EYS: variants seen among roughly 807,000 people sequenced by gnomAD.
EYS encodes the protein EGF-like photoreceptor maintenance factor.
A neutral mutation model predicts 282.1 loss-of-function variants in EYS; 250 were observed. The ratio of observed to expected loss-of-function variants is 0.89; its 90% CI spans 0.80 to 0.98. The LOEUF is 0.98. EYS is among the 50% of genes least tolerant of loss of function. The pLI, the probability that EYS is intolerant of heterozygous loss-of-function variation, is 0.00. For missense variants in EYS, 4,016 were observed against 3,709.0 expected (o/e 1.08, Z -2.15); for synonymous variants, 1,355 against 1,282.9 (o/e 1.06, Z -1.20).
chr6:65,359,936 C>A (rs1354803445), intron 8 of EYS, among the ~76,000 whole-genome samples: 1 of 151,862 alleles, frequency 6.6e-6, no homozygotes, highest in Admixed American at 6.6e-5. Flanking sequence ...AACTCACACA[C>A]CTCAATTCTC....
At chr6:65,705,446 G>A (rs2149855737) in intron 1 of EYS, among the ~76,000 whole-genome samples, 1 of 152,252 alleles carries the variant, frequency 6.6e-6, no homozygotes. Context: ...TGCTACAGAA[G>A]GGGAAAGTGG....
chr6:65,170,352 A>G (rs1480658283), intron 12 of EYS, among the ~76,000 whole-genome samples: 1 of 151,584 alleles, frequency 6.6e-6, no homozygotes, highest in Non-Finnish European at 1.5e-5. Flanking sequence ...GTTGATTTTA[A>G]AATGAACTGA....
At chr6:64,658,147 G>A (rs538163502) in intron 22 of EYS, among the ~76,000 whole-genome samples, 5 of 151,994 alleles carry the variant, frequency 3.3e-5, no homozygotes, top group African/African-American at 4.8e-5. Context: ...TTAACAAATC[G>A]GCTACTGAGG....
intron 6 of EYS, 52 bp from the exon 7 acceptor site, chr6:65,402,657 G>T: frequency 8.0e-7 from 1 of 1,254,170 alleles, no homozygotes; most frequent in Non-Finnish European, 1.2e-6. Flanking sequence ...TATTTCAAAG[G>T]TAATGAATGG....
chr6:65,329,621 G>A (rs1769722721), intron 11 of EYS: 3 of 979,820 alleles, frequency 3.1e-6, no homozygotes, highest in Non-Finnish European at 2.4e-6. Context: ...TTACTTGAAG[G>A]CAGAAAAGTT....
intron 11 of EYS, among the ~76,000 whole-genome samples, chr6:65,313,596 G>A (rs555650759): frequency 2.7e-5 from 4 of 150,550 alleles, no homozygotes; most frequent in South Asian, 4.3e-4. Context: ...TTATTCTCAC[G>A]TTAGCTGTTC....
chr6:64,116,107 A>T (rs1239000299), intron 31 of EYS, among the ~76,000 whole-genome samples: 1 of 152,280 alleles, frequency 6.6e-6, no homozygotes, highest in East Asian at 1.9e-4. Context: ...ACAGAATTCA[A>T]TTAATGAAAT....
At chr6:65,639,325 A>G (rs1767200335) in intron 2 of EYS, among the ~76,000 whole-genome samples, 1 of 152,120 alleles carries the variant, frequency 6.6e-6, no homozygotes, top group African/African-American at 2.4e-5. Flanking sequence ...AATAAATAAG[A>G]TAAGTTATTA....
chr6:65,601,258 C>T (rs889103623), intron 2 of EYS, among the ~76,000 whole-genome samples: 1 of 151,848 alleles, frequency 6.6e-6, no homozygotes, highest in Admixed American at 6.6e-5. Context: ...TAGGAACATA[C>T]ATTAGCCATA....
In EYS at chr6:65,006,503, C is replaced by CAAAAAA. The variant is rs59057058; in HGVS notation, c.2138-8806_2138-8801dup. Reference sequence around the variant, plus strand: ...TCACCAGTTCAGAGTTATTCTAAGTCAAAAAAAAAAAAAAAAAAAAGCAAA... The same window carrying CAAAAAA: ...TCACCAGTTCAGAGTTATTCTAAGTCAAAAAAAAAAAAAAAAAAAAAAAAAAGCAAA... On this transcript the variant is annotated intron_variant, in intron 13 of 42. Coordinates refer to ENST00000503581, the MANE Select transcript of EYS (RefSeq NM_001142800.2). Among the ~76,000 whole-genome samples, 74 of 83,248 alleles carry CAAAAAA rather than the reference C, an allele frequency of 8.9e-4. 1 individual carries two copies. Among genetic ancestry groups the CAAAAAA allele is most frequent in the African/African-American group, 1.6e-3 (33 of 20,802 alleles). The allele number at this position is 83,248 out of a possible 152,430, so 54.6% of individuals were successfully genotyped here.
chr6:64,028,623 AC>A (rs1281914298), intron 33 of EYS, among the ~76,000 whole-genome samples: 1 of 152,160 alleles, frequency 6.6e-6, no homozygotes, highest in African/African-American at 2.4e-5. Flanking sequence ...TGAGGATCCC[AC>A]AGACCACATG....
chr6:64,433,177 TC>T (rs1017914709), intron 28 of EYS, among the ~76,000 whole-genome samples: 1 of 152,058 alleles, frequency 6.6e-6, no homozygotes, highest in African/African-American at 2.4e-5. Flanking sequence ...AATTTTGCTG[TC>T]CTTTTTCTTC....
At chr6:64,148,333 T>C (rs911519567) in intron 31 of EYS, among the ~76,000 whole-genome samples, 3 of 146,638 alleles carry the variant, frequency 2.0e-5, no homozygotes, top group African/African-American at 8.3e-5. Context: ...TGTTGACCTA[T>C]TTTTTAAGCA....
intron 24 of EYS, among the ~76,000 whole-genome samples, chr6:64,596,222 G>T (rs569015000): frequency 2.7e-5 from 4 of 146,924 alleles, no homozygotes; most frequent in Admixed American, 2.1e-4. Context: ...TCCAGCACTG[G>T]GGATTGCAAT....
At chr6:65,437,855 T>G (rs1463573477) in intron 5 of EYS, among the ~76,000 whole-genome samples, 1 of 151,904 alleles carries the variant, frequency 6.6e-6, no homozygotes, top group Non-Finnish European at 1.5e-5. Context: ...TTTATTTCAG[T>G]TTTTCTTTTT....
intron 36 of EYS, among the ~76,000 whole-genome samples, chr6:63,835,259 GTA>G (rs140553460): frequency 0.12 from 17,982 of 149,808 alleles, 1,302 homozygotes; most frequent in African/African-American, 0.19. Context: ...GTCTGTGTGT[GTA>G]TATATATATA....
chr6:64,151,555 T>A (rs1394430632), intron 31 of EYS, among the ~76,000 whole-genome samples: 1 of 150,846 alleles, frequency 6.6e-6, no homozygotes, highest in Non-Finnish European at 1.5e-5. Context: ...AGAGACGGGG[T>A]TTCACCATGT....
intron 2 of EYS, among the ~76,000 whole-genome samples, chr6:65,591,155 CT>C (rs34068193): frequency 0.011 from 1,638 of 151,942 alleles, 24 homozygotes; most frequent in African/African-American, 0.025. Flanking sequence ...TATTTTTTGT[CT>C]TTTGATAATA....
chr6:64,325,259 G>C (rs1770369119), intron 29 of EYS, among the ~76,000 whole-genome samples: 1 of 152,120 alleles, frequency 6.6e-6, no homozygotes, highest in African/African-American at 2.4e-5. Flanking sequence ...ACTCTGTGCA[G>C]ACAACCCCCT....
Sources: allele counts gnomAD v4.1 joint callset (sites outside exome capture counted in the v4.1 genomes callset), GRCh38; gene constraint gnomAD v4.1.1; transcripts MANE v1.5; gene names NCBI Gene and HGNC (gene_info 2026-07-23, HGNC 2026-07-21).